The following ADAMTSL1 variants were observed in gnomAD, a reference collection of about 807,000 sequenced individuals.
ADAMTSL1 encodes the protein ADAMTS like 1.
A neutral mutation model predicts 201.8 loss-of-function variants in ADAMTSL1; 126 were observed. That is an observed-to-expected ratio of 0.62 (90% CI 0.54 to 0.72). ADAMTSL1 has a LOEUF of 0.72. Ranked by LOEUF, ADAMTSL1 falls within the 30% of genes least tolerant of loss-of-function variation. The probability of loss-of-function intolerance (pLI) is 0.00; values close to 1 mark genes in which losing one functional copy is unlikely to be tolerated. For synonymous variants in ADAMTSL1, 1,121 were observed against 903.4 expected (o/e 1.24, Z -4.32); for missense variants, 2,679 against 2,277.8 (o/e 1.18, Z -3.59).
At chr9:17,987,958 T>C (rs1445120160) in intron 1 of ADAMTSL1, among the ~76,000 whole-genome samples, 1 of 152,120 alleles carries the variant, frequency 6.6e-6, no homozygotes, top group African/African-American at 2.4e-5. Flanking sequence ...TAAATCTTTT[T>C]TTGAATTACA....
At chr9:18,598,542 T>G (rs1430002050) in intron 4 of ADAMTSL1, among the ~76,000 whole-genome samples, 1 of 152,192 alleles carries the variant, frequency 6.6e-6, no homozygotes, top group Non-Finnish European at 1.5e-5. Context: ...TCAGTCCCTG[T>G]GCTAAATTTC....
At chr9:18,027,955 C>T (rs1820772006) in intron 1 of ADAMTSL1, among the ~76,000 whole-genome samples, 1 of 152,038 alleles carries the variant, frequency 6.6e-6, no homozygotes, top group Admixed American at 6.6e-5. Flanking sequence ...AACCATTTAT[C>T]ACTATGTAAT....
intron 1 of ADAMTSL1, among the ~76,000 whole-genome samples, chr9:17,957,204 A>G (rs958340497): frequency 6.6e-6 from 1 of 152,232 alleles, no homozygotes; most frequent in African/African-American, 2.4e-5. Flanking sequence ...AAAAGAACTC[A>G]CAAACCCACG....
At chr9:18,358,675 G>A (rs1351797188) in intron 2 of ADAMTSL1, among the ~76,000 whole-genome samples, 3 of 152,124 alleles carry the variant, frequency 2.0e-5, no homozygotes. Context: ...ATGTTTTAAA[G>A]CTTCATCCAT....
chr9:18,685,070 G>A, intron 13 of ADAMTSL1: 2 of 941,144 alleles, frequency 2.1e-6, no homozygotes, highest in Non-Finnish European at 2.7e-6. Flanking sequence ...TCTCTTCTCT[G>A]CGCAAGGGGC....
At chr9:18,118,215 G>A (rs1015179796) in intron 1 of ADAMTSL1, among the ~76,000 whole-genome samples, 2 of 152,116 alleles carry the variant, frequency 1.3e-5, no homozygotes, top group East Asian at 1.9e-4. Flanking sequence ...ATGGAAAGAC[G>A]GACAACAATT....
intron 23 of ADAMTSL1, among the ~76,000 whole-genome samples, chr9:18,832,104 T>G (rs1223730455): frequency 6.6e-6 from 1 of 152,142 alleles, no homozygotes; most frequent in Non-Finnish European, 1.5e-5. Context: ...TAAACTGGGA[T>G]AGAAACTAGG....
intron 20 of ADAMTSL1, among the ~76,000 whole-genome samples, chr9:18,797,537 TA>T (rs1822503300): frequency 6.6e-6 from 1 of 152,186 alleles, no homozygotes; most frequent in Non-Finnish European, 1.5e-5. Flanking sequence ...AGTTGCAATT[TA>T]CTTCAAATGT....
chr9:18,704,187 G>A (rs377670980), intron 13 of ADAMTSL1, among the ~76,000 whole-genome samples: 21 of 152,162 alleles, frequency 1.4e-4, no homozygotes, highest in African/African-American at 4.8e-4. Flanking sequence ...AGTTTTATTG[G>A]AACACAGCCA....
At chr9:18,304,330 A>G (rs1249981920) in intron 2 of ADAMTSL1, among the ~76,000 whole-genome samples, 2 of 150,186 alleles carry the variant, frequency 1.3e-5, no homozygotes, top group African/African-American at 5.0e-5. Flanking sequence ...GCCTCAAGGA[A>G]TAGAGTTTTG....
chr9:18,710,184 G>C (rs1832476219), intron 14 of ADAMTSL1, among the ~76,000 whole-genome samples: 1 of 152,148 alleles, frequency 6.6e-6, no homozygotes, highest in Non-Finnish European at 1.5e-5. Context: ...ATGCTCCCCA[G>C]GCAACCCATT....
chr9:18,497,990 T>C (rs1563997933), intron 1 of ADAMTSL1, among the ~76,000 whole-genome samples: 1 of 152,244 alleles, frequency 6.6e-6, no homozygotes, highest in Non-Finnish European at 1.5e-5. Flanking sequence ...TCCAAATTGT[T>C]GTCCCAGGAC....
At chr9:18,775,707 G>A (rs746140786) in intron 17 of ADAMTSL1, 36 bp from the exon 18 acceptor site, 1 of 1,604,696 alleles carries the variant, frequency 6.2e-7, no homozygotes, top group Non-Finnish European at 8.5e-7. Context: ...CTAGTTCCCA[G>A]AATTTATGTG....
At chr9:18,797,750 C>T (rs1307137419) in intron 20 of ADAMTSL1, among the ~76,000 whole-genome samples, 1 of 152,134 alleles carries the variant, frequency 6.6e-6, no homozygotes, top group African/African-American at 2.4e-5. Context: ...CATTATTTTA[C>T]AGGGTTGTTG....
intron 25 of ADAMTSL1, among the ~76,000 whole-genome samples, chr9:18,891,957 C>T (rs1829301902): frequency 6.6e-6 from 1 of 152,250 alleles, no homozygotes; most frequent in Admixed American, 6.5e-5. Flanking sequence ...AGGAGGATCA[C>T]ATCACCTCCA....
At chr9:18,352,621 C>A (rs1836022479) in intron 2 of ADAMTSL1, among the ~76,000 whole-genome samples, 1 of 152,128 alleles carries the variant, frequency 6.6e-6, no homozygotes, top group South Asian at 2.1e-4. Context: ...TGCCTTTGTA[C>A]TTTATTAACG....
intron 2 of ADAMTSL1, among the ~76,000 whole-genome samples, chr9:18,319,107 C>T (rs867342010): frequency 6.6e-6 from 1 of 152,106 alleles, no homozygotes; most frequent in African/African-American, 2.4e-5. Context: ...ATGCCAGCTA[C>T]TCCTGAGGCA....
chr9:18,805,433 C>CA (rs1023471047), intron 20 of ADAMTSL1, among the ~76,000 whole-genome samples: 1 of 152,182 alleles, frequency 6.6e-6, no homozygotes, highest in African/African-American at 2.4e-5. Flanking sequence ...CACTGCTCCT[C>CA]ACAGAGTTTT....
intron 23 of ADAMTSL1, among the ~76,000 whole-genome samples, chr9:18,880,043 C>T (rs1161507231): frequency 6.6e-6 from 1 of 152,216 alleles, no homozygotes; most frequent in Non-Finnish European, 1.5e-5. Context: ...AGCAACTCCT[C>T]ATCCATTCAA....
Sources: allele counts gnomAD v4.1 joint callset (sites outside exome capture counted in the v4.1 genomes callset), GRCh38; gene constraint gnomAD v4.1.1; transcripts MANE v1.5; gene names NCBI Gene and HGNC (gene_info 2026-07-23, HGNC 2026-07-21).